PDE5A: variants seen among roughly 807,000 people sequenced by gnomAD.
PDE5A encodes the protein cGMP-specific 3',5'-cyclic phosphodiesterase.
PDE5A carries 67 observed loss-of-function variants against 110.2 expected under a neutral mutation model. That is an observed-to-expected ratio of 0.61 (90% confidence interval 0.50 to 0.75). PDE5A has a LOEUF of 0.75. Ranked by LOEUF, PDE5A falls within the 30% of genes least tolerant of loss-of-function variation. The probability of loss-of-function intolerance (pLI) is 0.00; values close to 1 mark genes in which losing one functional copy is unlikely to be tolerated. For missense variants in PDE5A, 862 were observed against 1,045.1 expected (o/e 0.82, Z 2.42); for synonymous variants, 328 against 351.2 (o/e 0.93, Z 0.74).
rs950890819 is a variant in PDE5A, at chr4:119,607,219, T to C, written c.231A>G (p.Glu77=). The C allele has an allele frequency of 5.0e-6, 8 of 1,613,952 alleles. No individual in the cohort carries two copies. The highest frequency in any genetic ancestry group is 1.3e-5 in the African/African-American group (1 of 74,898). The change falls in exon 2 of 21, where the codon GAA becomes GAG. Residue 77 remains glutamate (E), a synonymous_variant. Coordinates refer to ENST00000354960, the MANE Select transcript of PDE5A (RefSeq NM_001083.4). ...VCKEGIRGHT[E]SCSCPLQQSP... is the part of the protein sequence containing the mutation. ...TCTGCTGCAAGGGACAAGAGCAAGA[T>C]TCGGTGTGGCCTCTGATACCTTCCT...
chr4:119,503,976 G>T lies in PDE5A; in HGVS notation c.2331+560C>A, dbSNP rs559948506. 4.2e-4 allele frequency among the ~76,000 whole-genome samples: 64 copies of T among 152,092 alleles called. 1 individual carries two copies. The highest frequency in any genetic ancestry group is 3.5e-4 in the Non-Finnish European group (24 of 67,990). ...ATTTTTTTTATTTTAGATTTAGGGG[G>T]TATATGTGCATGTCTGGTATATATG... On this transcript the variant is annotated intron_variant, in intron 18 of 20. Coordinates refer to ENST00000354960, the MANE Select transcript of PDE5A (RefSeq NM_001083.4).
intron 9 of PDE5A, among the ~76,000 whole-genome samples, chr4:119,544,791 A>T (rs1303993389): frequency 2.6e-5 from 4 of 152,224 alleles, no homozygotes. Flanking sequence ...CCAGTACAGC[A>T]GTTCAAATCT....
At chr4:119,503,238 A>G (rs1265745946) in intron 18 of PDE5A, among the ~76,000 whole-genome samples, 5 of 152,186 alleles carry the variant, frequency 3.3e-5, no homozygotes, top group Non-Finnish European at 5.9e-5. Flanking sequence ...GGCTGTCAAC[A>G]ATCCTAAATA....
intron 3 of PDE5A, among the ~76,000 whole-genome samples, chr4:119,572,377 A>G (rs1728171868): frequency 6.6e-6 from 1 of 152,238 alleles, no homozygotes; most frequent in African/African-American, 2.4e-5. Context: ...CTAACTGAAC[A>G]ATGCATATTC....
At chr4:119,619,899 C>A (rs1560646014) in intron 1 of PDE5A, among the ~76,000 whole-genome samples, 1 of 152,088 alleles carries the variant, frequency 6.6e-6, no homozygotes, top group Non-Finnish European at 1.5e-5. Context: ...TATCTAGGGC[C>A]CTTCACCATA....
chr4:119,542,749 T>A, intron 9 of PDE5A, 115 bp from the exon 10 acceptor site: 1 of 909,770 alleles, frequency 1.1e-6, no homozygotes, highest in Non-Finnish European at 1.7e-6. Context: ...ATGCTTAGTA[T>A]GTCGAAATAA....
chr4:119,534,816 G>A (rs1437946517), intron 11 of PDE5A, among the ~76,000 whole-genome samples: 2 of 152,046 alleles, frequency 1.3e-5, no homozygotes, highest in Admixed American at 6.6e-5. Flanking sequence ...ACCTGGCTCC[G>A]CCCCTTACTG....
At chr4:119,523,693 TTCATTACCTAACCC>T (rs1275022275) in intron 12 of PDE5A, among the ~76,000 whole-genome samples, 1 of 152,088 alleles carries the variant, frequency 6.6e-6, no homozygotes, top group Non-Finnish European at 1.5e-5. Context: ...AGTGATTATC[TTCATTACCTAACCC>T]TCAAATGCTA....
intron 5 of PDE5A, among the ~76,000 whole-genome samples, chr4:119,563,522 G>A (rs1384040710): frequency 1.3e-5 from 2 of 152,110 alleles, no homozygotes; most frequent in Non-Finnish European, 2.9e-5. Flanking sequence ...AAAACTTAGT[G>A]GAGGTGACGC....
At chr4:119,575,669 A>G (rs996555599) in intron 3 of PDE5A, among the ~76,000 whole-genome samples, 5 of 152,234 alleles carry the variant, frequency 3.3e-5, no homozygotes, top group African/African-American at 9.6e-5. Context: ...CCTGCCCTAC[A>G]AGACCTCCTG....
intron 1 of PDE5A, among the ~76,000 whole-genome samples, chr4:119,611,772 C>T (rs1056010841): frequency 4.0e-5 from 6 of 151,714 alleles, no homozygotes; most frequent in African/African-American, 1.2e-4. Context: ...AAAGAGAGTT[C>T]TCATGACTAC....
intron 17 of PDE5A, among the ~76,000 whole-genome samples, chr4:119,504,834 A>G (rs1725502312): frequency 6.6e-6 from 1 of 152,066 alleles, no homozygotes; most frequent in Non-Finnish European, 1.5e-5. Context: ...AAACTGCCTC[A>G]TTTAGCTCCA....
intron 3 of PDE5A, among the ~76,000 whole-genome samples, chr4:119,591,482 T>C (rs1161548498): frequency 6.6e-6 from 1 of 152,212 alleles, no homozygotes; most frequent in Non-Finnish European, 1.5e-5. Context: ...GCAAGCAATC[T>C]TAATAATTAG....
intron 3 of PDE5A, among the ~76,000 whole-genome samples, chr4:119,578,277 G>C (rs972134598): frequency 3.9e-5 from 6 of 152,114 alleles, no homozygotes; most frequent in African/African-American, 9.7e-5. Context: ...GTAATTTACA[G>C]ATTCAATGCC....
intron 7 of PDE5A, among the ~76,000 whole-genome samples, chr4:119,558,588 A>C (rs1487049630): frequency 1.3e-5 from 2 of 152,142 alleles, no homozygotes; most frequent in African/African-American, 4.8e-5. Context: ...CCTTTTTCAA[A>C]ATGTTAACAT....
At chr4:119,498,767 A>G (rs761154403) in intron 20 of PDE5A, 29 bp from the exon 21 acceptor site, 23 of 1,612,888 alleles carry the variant, frequency 1.4e-5, no homozygotes, top group Middle Eastern at 1.7e-4. Context: ...GCAAACAGCT[A>G]GAGAGAAGCC....
chr4:119,621,898 C>T (rs1023351999), intron 1 of PDE5A, among the ~76,000 whole-genome samples: 8 of 152,146 alleles, frequency 5.3e-5, no homozygotes, highest in Admixed American at 4.6e-4. Context: ...TGGCCGGGCG[C>T]GGTGGCTCAC....
intron 3 of PDE5A, among the ~76,000 whole-genome samples, chr4:119,569,514 A>T (rs1333697833): frequency 6.6e-6 from 1 of 152,168 alleles, no homozygotes; most frequent in African/African-American, 2.4e-5. Flanking sequence ...TATTAAAAAA[A>T]AAACAAGTTC....
At position 119,625,011 on chromosome 4, in the gene PDE5A, CT is replaced by C. The variant is rs536749949; in HGVS notation, c.152+3508del. Among the ~76,000 whole-genome samples the C allele has an allele frequency of 7.7e-3, 1,074 of 139,094 alleles. 2 individuals carry two copies. Among genetic ancestry groups the C allele is most frequent in the East Asian group, 0.016 (80 of 4,860 alleles). 91.3% of individuals were successfully genotyped at this position (139,094 alleles called of 152,430 possible). On this transcript the variant is annotated intron_variant, in intron 1 of 20. Coordinates refer to ENST00000354960, the MANE Select transcript of PDE5A (RefSeq NM_001083.4). Reference sequence around the variant, plus strand: ...ATAACTAAAAAGCTCCAAGTTATAGCTTTTTTTTTTTTTTTTTGAGATGGAG... The same window carrying C: ...ATAACTAAAAAGCTCCAAGTTATAGCTTTTTTTTTTTTTTTTGAGATGGAG...
Sources: gnomAD v4.1 joint callset for allele counts (sites outside exome capture counted in the v4.1 genomes callset) on GRCh38, gnomAD v4.1.1 for gene constraint, MANE v1.5 for transcripts, NCBI Gene and HGNC (gene_info 2026-07-23, HGNC 2026-07-21) for gene names.